The following INTS8 variants were observed in gnomAD, a reference collection of about 807,000 sequenced individuals.
The protein encoded by INTS8 is protein kaonashi-1.
Under a neutral mutation model 138.9 loss-of-function variants are expected in INTS8, and 47 were observed. The ratio of observed to expected loss-of-function variants is 0.34; its 90% CI spans 0.27 to 0.43. INTS8 has a LOEUF of 0.43. Ranked by LOEUF, INTS8 falls within the 20% of genes least tolerant of loss-of-function variation. INTS8 has a pLI of 1.00. For missense variants in INTS8, 996 were observed against 1,173.0 expected (o/e 0.85, Z 2.20); for synonymous variants, 392 against 400.9 (o/e 0.98, Z 0.27).
intron 4 of INTS8, among the ~76,000 whole-genome samples, chr8:94,828,340 C>G (rs951361988): frequency 7.2e-5 from 11 of 152,212 alleles, no homozygotes; most frequent in Non-Finnish European, 1.6e-4. Context: ...GGCACCCAGC[C>G]TGATATTTTT....
rs1816820967 is a variant in INTS8, at chr8:94,881,693, A to T, written c.*1459A>T. On this transcript the variant is annotated 3_prime_UTR_variant, in exon 27 of 27. Transcript: ENST00000523731. Reference sequence around the variant, plus strand: ...TGGTGTCATAATGCCTCCATTGCACACTGGTGACAACTGTCCCCCTTTTCT... The same window carrying T: ...TGGTGTCATAATGCCTCCATTGCACTCTGGTGACAACTGTCCCCCTTTTCT... 5.0e-6 allele frequency: 8 copies of T among 1,613,882 alleles called. No individual in the cohort carries two copies. The highest frequency in any genetic ancestry group is 6.8e-6 in the Non-Finnish European group (8 of 1,179,868).
chr8:94,862,651 G>A (rs764178106), intron 16 of INTS8, among the ~76,000 whole-genome samples: 2 of 152,208 alleles, frequency 1.3e-5, no homozygotes, highest in Non-Finnish European at 2.9e-5. Context: ...CTTTGCGAAA[G>A]AATTGTCACT....
Position 94,838,565 on chromosome 8 carries a change from C to T in INTS8, c.964C>T (p.Gln322Ter). 6.2e-7 allele frequency: 1 copy of T among 1,612,986 alleles called. No individual in the cohort carries two copies. Among genetic ancestry groups the T allele is most frequent in the Non-Finnish European group, 8.5e-7 (1 of 1,178,980 alleles). ...ACCTTCTTCTGATAGTACATCTCAA[C>T]AGTTGACTCCATATAGTCAAGTCCA... Reference protein sequence around the residue: ...LVPSSDSTSQQLTPYSQVHIC... With the variant: ...LVPSSDSTSQ The change falls in exon 8 of 27, where the codon CAG (glutamine) becomes TAG (stop). Residue 322 changes from glutamine (Q) to a stop codon, truncating the protein, a stop_gained. Coordinates refer to ENST00000523731, the MANE Select transcript of INTS8 (RefSeq NM_017864.4). LOFTEE classifies it high-confidence loss of function.
chr8:94,857,071 CTTT>C (rs376956021), intron 15 of INTS8, 93 bp downstream of exon 15: 5,186 of 534,938 alleles, frequency 9.7e-3, no homozygotes, highest in East Asian at 0.014. Context: ...AGTTTGTAAT[CTTT>C]TTTTTTTTTT....
intron 16 of INTS8, chr8:94,860,353 G>C (rs1225306535): frequency 6.6e-6 from 1 of 151,464 alleles, no homozygotes; most frequent in African/African-American, 2.4e-5. Context: ...AGGCCAAGAC[G>C]TGCGGATCAC....
chr8:94,825,377 A>G (rs1264341000), intron 2 of INTS8, among the ~76,000 whole-genome samples: 2 of 151,758 alleles, frequency 1.3e-5, no homozygotes, highest in Non-Finnish European at 2.9e-5. Flanking sequence ...GGTTGCAGTG[A>G]GCCGAGATGG....
At chr8:94,833,998 C>T (rs117484372) in intron 6 of INTS8, among the ~76,000 whole-genome samples, 7,287 of 152,176 alleles carry the variant, frequency 0.048, 232 homozygotes, top group Middle Eastern at 0.065. Flanking sequence ...TCTCAAACTC[C>T]CGACTTCCAG....
intron 2 of INTS8, among the ~76,000 whole-genome samples, chr8:94,826,363 G>A (rs941480069): frequency 2.6e-5 from 4 of 151,982 alleles, no homozygotes; most frequent in Non-Finnish European, 5.9e-5. Flanking sequence ...CTCACTGCAA[G>A]CTCCGCCTCC....
At chr8:94,827,472 T>C in intron 3 of INTS8, 69 bp downstream of exon 3, 2 of 1,539,238 alleles carry the variant, frequency 1.3e-6, no homozygotes, top group East Asian at 4.5e-5. Context: ...CTTTCAAGGA[T>C]ATTCTTTTAA....
rs1166754726 is a variant in INTS8 at position 94,864,284 on chromosome 8, G to T, written c.2077-1222G>T. The stretch of plus-strand genomic sequence containing the variant: ...CTCCTTAAAAAAGCCGCCTTAAGCA[G>T]TAGGGACCCCTAGGTCCATTTTAAG... On this transcript the variant is annotated intron_variant, in intron 16 of 26. Transcript: ENST00000523731. 2.0e-5 allele frequency among the ~76,000 whole-genome samples: 3 copies of T among 152,108 alleles called. No homozygotes were observed. In the East Asian group the frequency reaches 5.8e-4, roughly 29 times the overall value.
At chr8:94,865,178 T>C (rs1035568945) in intron 16 of INTS8, among the ~76,000 whole-genome samples, 5 of 152,168 alleles carry the variant, frequency 3.3e-5, no homozygotes, top group African/African-American at 1.2e-4. Flanking sequence ...CGTGGGATCA[T>C]ACTATGTGTA....
chr8:94,853,851 A>T lies in INTS8; in HGVS notation c.1688A>T (p.Asp563Val). 6.2e-7 allele frequency: 1 copy of T among 1,612,268 alleles called. No homozygotes were observed. The highest frequency in any genetic ancestry group is 8.5e-7 in the Non-Finnish European group (1 of 1,178,334). ...AGTGGTGTTATCCTGGGAATTAAAG[A>T]CAATTTAACAAGAGATTTGGTTTAT... The part of the protein sequence containing the change: ...VYSGVILGIK[D>V]NLTRDLVYIL... The change falls in exon 14 of 27, where the codon GAC becomes GTC. Residue 563 changes from aspartate to valine, a missense_variant. By Grantham distance (152) the Asp-to-Val change is radical (BLOSUM62 -3). Coordinates refer to ENST00000523731, the MANE Select transcript of INTS8 (RefSeq NM_017864.4).
At chr8:94,848,545 T>C (rs187808605) in intron 10 of INTS8, among the ~76,000 whole-genome samples, 105 of 152,350 alleles carry the variant, frequency 6.9e-4, no homozygotes, top group Admixed American at 1.7e-3. Context: ...TATAGATTTA[T>C]CTGTTCTGGA....
intron 8 of INTS8, among the ~76,000 whole-genome samples, chr8:94,839,533 G>A (rs1319518522): frequency 6.6e-6 from 1 of 152,104 alleles, no homozygotes; most frequent in East Asian, 1.9e-4. Flanking sequence ...CAGAAAATAG[G>A]TGAAGAGAGG....
At chr8:94,835,989 A>C (rs1814913647) in intron 6 of INTS8, among the ~76,000 whole-genome samples, 1 of 152,230 alleles carries the variant, frequency 6.6e-6, no homozygotes, top group African/African-American at 2.4e-5. Flanking sequence ...CGTAAGTTTT[A>C]CAGATGGGTA....
Position 94,878,995 on chromosome 8 carries a change from C to G in INTS8, c.2872-1123C>G, listed in dbSNP as rs550353435. Among the ~76,000 whole-genome samples, 3 of 152,258 alleles carry G rather than the reference C, an allele frequency of 2.0e-5. No individual in the cohort carries two copies. The East Asian group carries it at 5.8e-4, about 29-fold the overall frequency. The stretch of plus-strand genomic sequence containing the variant: ...TACTTTTCTGTAACCCTGCATTCTC[C>G]CTAGGTAATTTAATCCACTCTCGGT... On this transcript the variant is annotated intron_variant, in intron 26 of 26. Coordinates refer to ENST00000523731, the MANE Select transcript of INTS8 (RefSeq NM_017864.4).
At position 94,880,292 on chromosome 8, in the gene INTS8, T is replaced by A; in HGVS notation, c.*58T>A. On this transcript the variant is annotated 3_prime_UTR_variant, in exon 27 of 27. Coordinates refer to ENST00000523731, the MANE Select transcript of INTS8 (RefSeq NM_017864.4). ...ACAATGGGCTAAAAATAAACAGTAT[T>A]AAAAGGTTAAGTTTATATAATACAT... The A allele has an allele frequency of 1.1e-6, 1 of 898,228 alleles. No individual in the cohort carries two copies. Among genetic ancestry groups the A allele is most frequent in the Non-Finnish European group, 1.8e-6 (1 of 569,896 alleles). 55.6% of individuals were successfully genotyped at this position (898,228 alleles called of 1,614,324 possible).
At chr8:94,857,775 C>T (rs1815807788) in intron 15 of INTS8, among the ~76,000 whole-genome samples, 1 of 152,212 alleles carries the variant, frequency 6.6e-6, no homozygotes, top group African/African-American at 2.4e-5. Flanking sequence ...CTGCCCTAAT[C>T]CAGCTGACTT....
chr8:94,881,581 C>G lies in INTS8; in HGVS notation c.*1347C>G, dbSNP rs1250747129. The G allele has an allele frequency of 6.3e-7, 1 of 1,586,778 alleles. No homozygotes were observed. Among genetic ancestry groups the G allele is most frequent in the South Asian group, 1.1e-5 (1 of 88,964 alleles). On this transcript the variant is annotated 3_prime_UTR_variant, in exon 27 of 27. Coordinates refer to ENST00000523731, the MANE Select transcript of INTS8 (RefSeq NM_017864.4). ...TAAAACTTTAGTAGTTCAGTGATAC[C>G]AGTTCTACCCAATCTTGGTGAATTC... is the stretch of plus-strand genomic sequence containing the variant.
Sources: allele counts gnomAD v4.1 joint callset (sites outside exome capture counted in the v4.1 genomes callset), GRCh38; gene constraint gnomAD v4.1.1; transcripts MANE v1.5; gene names NCBI Gene and HGNC (gene_info 2026-07-23, HGNC 2026-07-21).